Variants in CNTLN observed in about 807,000 individuals in gnomAD.
CNTLN encodes centlein, centrosomal protein.
In CNTLN, 212 loss-of-function variants were observed where a neutral mutation model predicts 180.0. The observed-to-expected ratio is 1.18, with a 90% CI of 1.05 to 1.32. CNTLN has a LOEUF of 1.32. Ranked by LOEUF, CNTLN falls within the 40% of genes most tolerant of loss-of-function variation. The probability of loss-of-function intolerance (pLI) is 0.00; values close to 1 mark genes in which losing one functional copy is unlikely to be tolerated. For missense variants in CNTLN, 2,095 were observed against 1,610.9 expected (o/e 1.30, Z -5.14); for synonymous variants, 722 against 563.1 (o/e 1.28, Z -3.99).
At chr9:17,372,648 C>A (rs973391289) in intron 13 of CNTLN, among the ~76,000 whole-genome samples, 4 of 152,034 alleles carry the variant, frequency 2.6e-5, no homozygotes, top group Non-Finnish European at 5.9e-5. Context: ...TAGCTTGATA[C>A]CAAAACCAGA....
the CNTLN span, among the ~76,000 whole-genome samples, chr9:17,521,339 A>C: frequency 6.7e-6 from 1 of 150,114 alleles, no homozygotes; most frequent in African/African-American, 2.4e-5. Flanking sequence ...CAAAGGCACT[A>C]ATAGAGCAAT....
chr9:17,258,363 C>G (rs1156497648), intron 5 of CNTLN, among the ~76,000 whole-genome samples: 1 of 150,318 alleles, frequency 6.7e-6, no homozygotes, highest in Admixed American at 6.6e-5. Context: ...CAGTACCATG[C>G]TGTTTTGGTT....
At chr9:17,312,363 AT>A (rs375483820) in intron 8 of CNTLN, among the ~76,000 whole-genome samples, 2,340 of 14,986 alleles carry the variant, frequency 0.16, 105 homozygotes, top group African/African-American at 0.26. Flanking sequence ...ATATATATAT[AT>A]TATATATATA....
At chr9:17,488,689 A>T (rs1270761209) in intron 25 of CNTLN, among the ~76,000 whole-genome samples, 5 of 152,074 alleles carry the variant, frequency 3.3e-5, no homozygotes, top group African/African-American at 9.7e-5. Context: ...CAGTGAGTAT[A>T]AAAAAATTCT....
intron 23 of CNTLN, among the ~76,000 whole-genome samples, chr9:17,480,470 A>G (rs1468450972): frequency 1.3e-5 from 2 of 152,186 alleles, no homozygotes; most frequent in Non-Finnish European, 2.9e-5. Context: ...TTTGATGGAA[A>G]TTGATGAATC....
At chr9:17,208,857 A>T (rs1823097401) in intron 2 of CNTLN, among the ~76,000 whole-genome samples, 1 of 151,972 alleles carries the variant, frequency 6.6e-6, no homozygotes. Context: ...TTTTCTTATT[A>T]ATTAGTCTGG....
At chr9:17,415,738 G>T in intron 16 of CNTLN, 50 bp from the exon 17 acceptor site, 1 of 1,086,954 alleles carries the variant, frequency 9.2e-7, no homozygotes, top group South Asian at 1.3e-5. Context: ...CAGTTCACTT[G>T]ATGTTGTTAT....
intron 16 of CNTLN, among the ~76,000 whole-genome samples, chr9:17,411,079 CAAG>C (rs771011773): frequency 1.3e-5 from 2 of 151,976 alleles, no homozygotes; most frequent in African/African-American, 2.4e-5. Flanking sequence ...TAATATAAAA[CAAG>C]AAGAAGACGC....
At chr9:17,229,711 A>C (rs1433340633) in intron 3 of CNTLN, among the ~76,000 whole-genome samples, 1 of 152,138 alleles carries the variant, frequency 6.6e-6, no homozygotes, top group East Asian at 1.9e-4. Context: ...TTTCACAATA[A>C]CATCTAGACT....
At chr9:17,238,685 C>G (rs1825303685) in intron 5 of CNTLN, among the ~76,000 whole-genome samples, 1 of 152,122 alleles carries the variant, frequency 6.6e-6, no homozygotes, top group Non-Finnish European at 1.5e-5. Context: ...TCATGTAAAA[C>G]TTTGGTTAAA....
the CNTLN span, among the ~76,000 whole-genome samples, chr9:17,513,041 A>C: frequency 6.6e-6 from 1 of 152,054 alleles, no homozygotes. Context: ...GAATGGTCTC[A>C]AACTCCTGAC....
chr9:17,491,628 T>A (rs530937914), intron 25 of CNTLN, among the ~76,000 whole-genome samples: 3 of 152,042 alleles, frequency 2.0e-5, no homozygotes, highest in Non-Finnish European at 4.4e-5. Context: ...CCACTTTGTA[T>A]AGATCATTTT....
At chr9:17,274,485 CTATCTATCTATCTATCTATG>C (rs1563946997) in intron 6 of CNTLN, among the ~76,000 whole-genome samples, 1 of 147,100 alleles carries the variant, frequency 6.8e-6, no homozygotes, top group African/African-American at 2.5e-5. Context: ...ATCTATCTAT[CTATCTATCTATCTATCTATG>C]TATCTTTCTA....
At chr9:17,269,929 T>G (rs1377622704) in intron 5 of CNTLN, among the ~76,000 whole-genome samples, 1 of 152,162 alleles carries the variant, frequency 6.6e-6, no homozygotes, top group African/African-American at 2.4e-5. Flanking sequence ...TATTTCTGGT[T>G]ATTTTATGTT....
chr9:17,399,996 G>T (rs957458268), intron 15 of CNTLN, among the ~76,000 whole-genome samples: 1 of 152,040 alleles, frequency 6.6e-6, no homozygotes, highest in Non-Finnish European at 1.5e-5. Flanking sequence ...CCTTATGAAG[G>T]CTCCCTTATC....
chr9:17,465,885 T>C, intron 21 of CNTLN, 96 bp from the exon 22 acceptor site: 1 of 849,838 alleles, frequency 1.2e-6, no homozygotes, highest in Non-Finnish European at 1.8e-6. Flanking sequence ...TAAATGGAAG[T>C]AGACTCATTC....
chr9:17,268,311 T>G (rs372274683), intron 5 of CNTLN, among the ~76,000 whole-genome samples: 11 of 152,324 alleles, frequency 7.2e-5, no homozygotes, highest in African/African-American at 1.7e-4. Context: ...CTCCAGACCC[T>G]GTTTGCCTGG....
At chr9:17,195,263 A>G (rs899348087) in intron 2 of CNTLN, among the ~76,000 whole-genome samples, 1 of 152,232 alleles carries the variant, frequency 6.6e-6, no homozygotes, top group South Asian at 2.1e-4. Context: ...CTGAAAGCTA[A>G]GTCGGTTTGA....
chr9:17,236,390 T>A lies in CNTLN; in HGVS notation c.670-19T>A. 1 of 1,551,204 alleles carries A rather than the reference T, an allele frequency of 6.4e-7. No individual in the cohort carries two copies. The highest frequency in any genetic ancestry group is 2.3e-5 in the East Asian group (1 of 43,120). ...TTCGTTTTGTTTTATTTATTTGCCC[T>A]TGTGGTACTGTTCTACAGGACACTA... is the stretch of plus-strand genomic sequence containing the variant. On this transcript the variant is annotated intron_variant, in intron 4 of 25. Transcript: ENST00000380647.
Sources: gnomAD v4.1 joint callset for allele counts (sites outside exome capture counted in the v4.1 genomes callset) on GRCh38, gnomAD v4.1.1 for gene constraint, MANE v1.5 for transcripts, NCBI Gene and HGNC (gene_info 2026-07-23, HGNC 2026-07-21) for gene names.